The following MRPS2 variants were observed in gnomAD, a reference collection of about 807,000 sequenced individuals.
MRPS2 encodes the protein mitochondrial ribosomal protein S2, also known as small ribosomal subunit protein uS2m.
A neutral mutation model predicts 18.9 loss-of-function variants in MRPS2; 13 were observed. That is an observed-to-expected ratio of 0.69 (90% CI 0.45 to 1.09). MRPS2 has a LOEUF of 1.09. Among genes scored for constraint, MRPS2 ranks in the 50% least tolerant of loss-of-function variants. MRPS2 has a pLI of 0.00. For missense variants in MRPS2, 389 were observed against 421.7 expected (o/e 0.92, Z 0.68); for synonymous variants, 186 against 178.4 (o/e 1.04, Z -0.34).
At chr9:135,503,371 C>T in intron 3 of MRPS2, 171 bp from the exon 4 acceptor site, 1 of 1,411,294 alleles carries the variant, frequency 7.1e-7, no homozygotes, top group Non-Finnish European at 9.3e-7. Flanking sequence ...CTGGATGGGT[C>T]TGCACTGCTG....
Position 135,503,597 on chromosome 9 carries a change from G to A in MRPS2, c.355G>A (p.Glu119Lys), listed in dbSNP as rs113806753. The A allele has an allele frequency of 2.4e-5, 39 of 1,613,654 alleles. No homozygotes were observed. Among genetic ancestry groups the A allele is most frequent in the Non-Finnish European group, 3.1e-5 (37 of 1,180,044 alleles). The change falls in exon 4 of 4, where the codon GAA becomes AAA. Residue 119 changes from glutamate to lysine, a missense_variant. Physicochemically the swap from Glu to Lys is moderately conservative, Grantham distance 56 (BLOSUM62 1). Coordinates refer to ENST00000241600, the MANE Select transcript of MRPS2 (RefSeq NM_016034.5). ...SRLDHDIIDL[E>K]QTATHLQLAL... ...CCTGGACCACGACATCATCGACCTG[G>A]AACAGACAGCCACGCACCTCCAGCT...
At chr9:135,500,641 G>A, upstream of MRPS2, 1 of 1,388,864 alleles carries the variant, frequency 7.2e-7, no homozygotes, top group Non-Finnish European at 9.3e-7. Context: ...GCCCCGCGCG[G>A]ATGGCGACGG....
intron 3 of MRPS2, 156 bp downstream of exon 3, chr9:135,502,129 A>G (rs1419472216): frequency 1.4e-6 from 2 of 1,444,798 alleles, no homozygotes; most frequent in African/African-American, 2.9e-5. Context: ...ACAGAGAAGC[A>G]GGAGTTTATT....
chr9:135,501,271 T>C, intron 2 of MRPS2, 148 bp downstream of exon 2: 4 of 1,431,130 alleles, frequency 2.8e-6, no homozygotes, highest in Non-Finnish European at 3.6e-6. Context: ...TCGCCGCCGC[T>C]CGGTCCTGCC....
intron 2 of MRPS2, 25 bp downstream of exon 2, chr9:135,501,148 T>A (rs1490910295): frequency 6.4e-7 from 1 of 1,566,658 alleles, no homozygotes; most frequent in Admixed American, 1.8e-5. Flanking sequence ...CCAGCCGAGT[T>A]GGGTGGGAAC....
rs35140806 is a variant in MRPS2 at position 135,503,577 on chromosome 9, A to T, written c.335A>T (p.Asp112Val). ...MEPYIFGSRL[D>V]HDIIDLEQTA... ...CCGTACATCTTTGGGAGCCGCCTGG[A>T]CCACGACATCATCGACCTGGAACAG... The change falls in exon 4 of 4, where the codon GAC becomes GTC. Residue 112 changes from aspartate (D) to valine (V), a missense_variant. Coordinates refer to ENST00000241600, the MANE Select transcript of MRPS2 (RefSeq NM_016034.5). 1.9e-6 allele frequency: 3 copies of T among 1,613,540 alleles called. No individual in the cohort carries two copies. The South Asian group carries it at 3.3e-5, about 18-fold the overall frequency.
chr9:135,502,904 G>A (rs2012313241), intron 3 of MRPS2, among the ~76,000 whole-genome samples: 1 of 152,178 alleles, frequency 6.6e-6, no homozygotes, highest in Non-Finnish European at 1.5e-5. Context: ...CCAGTGCCTT[G>A]ATGGGCAGGG....
chr9:135,500,815 G>T lies in MRPS2; in HGVS notation c.43+62G>T. On this transcript the variant is annotated intron_variant, in intron 1 of 3. Coordinates refer to ENST00000241600, the MANE Select transcript of MRPS2 (RefSeq NM_016034.5). ...GCGAGGAGGATGCGGAGGGGCGCGGGGACCCGATGGAGCGGCGGGGACGTG... is the reference window on the plus strand; with the variant it reads ...GCGAGGAGGATGCGGAGGGGCGCGGTGACCCGATGGAGCGGCGGGGACGTG... 3 of 1,492,018 alleles carry T rather than the reference G, an allele frequency of 2.0e-6. No individual in the cohort carries two copies. In the South Asian group the frequency reaches 4.0e-5, roughly 20 times the overall value. The allele number at this position is 1,492,018 out of a possible 1,614,324, so 92.4% of individuals were successfully genotyped here.
upstream of MRPS2, chr9:135,500,309 A>G (rs1831080976): frequency 3.4e-6 from 1 of 293,062 alleles, no homozygotes; most frequent in African/African-American, 2.2e-5. Context: ...AAATTCTCCT[A>G]AGCCAAATAT....
rs1426772394 is a variant in MRPS2, at chr9:135,501,993, G to C, written c.299+20G>C. ...GCACAGGTAGGTGACACCCCCATCT[G>C]AGCCCGGGGCGGTTCCCAGGAGGAA... On this transcript the variant is annotated intron_variant, in intron 3 of 3. Transcript: ENST00000241600. The C allele has an allele frequency of 6.2e-7, 1 of 1,613,008 alleles. No homozygotes were observed. The highest frequency in any genetic ancestry group is 1.3e-5 in the African/African-American group (1 of 75,052).
intron 2 of MRPS2, 171 bp from the exon 3 acceptor site, chr9:135,501,673 T>C: frequency 7.0e-7 from 1 of 1,427,968 alleles, no homozygotes; most frequent in South Asian, 1.5e-5. Flanking sequence ...GCCCTCTGTT[T>C]CCTGAAAAGG....
chr9:135,500,296 A>C, upstream of MRPS2: 1 of 280,440 alleles, frequency 3.6e-6, no homozygotes, highest in East Asian at 6.7e-5. Flanking sequence ...GGCTAACTTT[A>C]TGAAATTCTC....
chr9:135,502,191 T>TGA (rs893514177), intron 3 of MRPS2: 3 of 1,367,706 alleles, frequency 2.2e-6, no homozygotes, highest in South Asian at 1.5e-5. Context: ...TCACAGCCCT[T>TGA]GATAGGGCAG....
chr9:135,503,140 C>T (rs1275707647), intron 3 of MRPS2: 3 of 1,051,916 alleles, frequency 2.9e-6, no homozygotes, highest in Non-Finnish European at 3.4e-6. Flanking sequence ...GCCCAGAGCA[C>T]CCCGCTAAGT....
intron 2 of MRPS2, 55 bp from the exon 3 acceptor site, chr9:135,501,789 C>T: frequency 6.2e-7 from 1 of 1,604,406 alleles, no homozygotes; most frequent in South Asian, 1.1e-5. Flanking sequence ...TGCGCTCTGC[C>T]TGTCTCTGCT....
At chr9:135,502,883 G>A (rs145773290) in intron 3 of MRPS2, among the ~76,000 whole-genome samples, 142 of 152,348 alleles carry the variant, frequency 9.3e-4, no homozygotes, top group South Asian at 5.0e-3. Flanking sequence ...ACCTTGGCAA[G>A]ATGGAGGTCG....
chr9:135,500,844 G>C, intron 1 of MRPS2, 91 bp downstream of exon 1: 1 of 1,492,124 alleles, frequency 6.7e-7, no homozygotes, highest in Non-Finnish European at 8.9e-7. Context: ...GGACGTGGAG[G>C]GGACCCGGGG....
Position 135,503,639 on chromosome 9 carries a change from G to A in MRPS2, c.397G>A (p.Ala133Thr), listed in dbSNP as rs1268340500. ...THLQLALNFT[A>T]HMAYRKGIIL... ...CCTCCAGCTGGCCTTGAACTTCACC[G>A]CCCACATGGCCTACCGCAAGGGCAT... The change falls in exon 4 of 4, where the codon GCC becomes ACC. Residue 133 changes from alanine (A) to threonine (T), a missense_variant. By Grantham distance (58) the Ala-to-Thr change is moderately conservative. Transcript: ENST00000241600. 3.1e-6 allele frequency: 5 copies of A among 1,613,764 alleles called. No homozygotes were observed. The highest frequency in any genetic ancestry group is 1.3e-5 in the African/African-American group (1 of 75,022).
At chr9:135,500,666 C>G, upstream of MRPS2, 1 of 1,413,106 alleles carries the variant, frequency 7.1e-7, no homozygotes. Context: ...GGAGGCCGCT[C>G]GGCCTGGCCT....
Sources: allele counts gnomAD v4.1 joint callset (sites outside exome capture counted in the v4.1 genomes callset), GRCh38; gene constraint gnomAD v4.1.1; transcripts MANE v1.5; gene names NCBI Gene and HGNC (gene_info 2026-07-23, HGNC 2026-07-21).